CCDC171: variants seen among roughly 807,000 people sequenced by gnomAD.
CCDC171 encodes coiled-coil domain-containing protein 171.
In CCDC171, 177 loss-of-function variants were observed where a neutral mutation model predicts 168.2. The observed-to-expected ratio is 1.05, with a 90% CI of 0.93 to 1.19. CCDC171 has a LOEUF of 1.19. CCDC171 is among the 50% of genes most tolerant of loss of function. The probability of loss-of-function intolerance (pLI) is 0.00; values close to 1 mark genes in which losing one functional copy is unlikely to be tolerated. For synonymous variants in CCDC171, 687 were observed against 540.8 expected (o/e 1.27, Z -3.75); for missense variants, 1,991 against 1,539.0 (o/e 1.29, Z -4.91).
chr9:15,602,018 T>C (rs1001313021), intron 6 of CCDC171, among the ~76,000 whole-genome samples: 2 of 152,222 alleles, frequency 1.3e-5, no homozygotes, highest in African/African-American at 4.8e-5. Flanking sequence ...TCTTTCATTA[T>C]GAGGTGTACA....
At chr9:15,782,645 A>G (rs1326609299) in intron 20 of CCDC171, among the ~76,000 whole-genome samples, 1 of 152,204 alleles carries the variant, frequency 6.6e-6, no homozygotes, top group Non-Finnish European at 1.5e-5. Flanking sequence ...GTGGTAATTT[A>G]AAACAACACA....
chr9:15,683,987 A>C (rs1033479945), intron 10 of CCDC171, among the ~76,000 whole-genome samples: 7 of 152,232 alleles, frequency 4.6e-5, no homozygotes, highest in African/African-American at 1.7e-4. Flanking sequence ...TAGGTAAACA[A>C]GGTGGTAGGG....
chr9:15,598,578 C>G (rs564847632), intron 6 of CCDC171, among the ~76,000 whole-genome samples: 1 of 152,026 alleles, frequency 6.6e-6, no homozygotes, highest in East Asian at 1.9e-4. Context: ...ACTATGTGGT[C>G]AATTTTGGAA....
intron 25 of CCDC171, among the ~76,000 whole-genome samples, chr9:15,942,353 T>C (rs1368597101): frequency 6.6e-6 from 1 of 151,974 alleles, no homozygotes; most frequent in Non-Finnish European, 1.5e-5. Context: ...CTTCTGTCTC[T>C]ATGGGTCCGG....
chr9:15,843,051 A>G (rs1401161166), intron 21 of CCDC171, among the ~76,000 whole-genome samples: 5 of 151,994 alleles, frequency 3.3e-5, no homozygotes, highest in Non-Finnish European at 7.4e-5. Flanking sequence ...GCTTTCATTA[A>G]TAGTAAATAG....
At chr9:16,009,166 G>A in intron 3 of CCDC171, among the ~76,000 whole-genome samples, 1 of 152,112 alleles carries the variant, frequency 6.6e-6, no homozygotes, top group East Asian at 1.9e-4. Flanking sequence ...TGCAGAAAAT[G>A]GAATGGGTTT....
intron 23 of CCDC171, among the ~76,000 whole-genome samples, chr9:15,853,245 A>T (rs1188497573): frequency 4.0e-5 from 6 of 151,668 alleles, no homozygotes; most frequent in Non-Finnish European, 8.9e-5. Context: ...GATCTTCTTT[A>T]ATTTCTCTCA....
intron 1 of CCDC171, among the ~76,000 whole-genome samples, chr9:16,046,943 C>G (rs766670221): frequency 2.6e-5 from 4 of 152,188 alleles, no homozygotes; most frequent in Non-Finnish European, 5.9e-5. Flanking sequence ...GCATCTCACT[C>G]TCCTTCCCTC....
chr9:15,998,138 A>T (rs1832427995), intron 3 of CCDC171, among the ~76,000 whole-genome samples: 1 of 152,174 alleles, frequency 6.6e-6, no homozygotes, highest in African/African-American at 2.4e-5. Context: ...AGAGATCAGA[A>T]TGATGACAAA....
intron 3 of CCDC171, among the ~76,000 whole-genome samples, chr9:15,987,633 C>G (rs149977738): frequency 4.7e-5 from 7 of 148,826 alleles, no homozygotes; most frequent in African/African-American, 1.7e-4. Context: ...ACTATGATAA[C>G]AGCTGTTAAA....
At chr9:15,831,474 G>A (rs1184255593) in intron 21 of CCDC171, among the ~76,000 whole-genome samples, 1 of 152,112 alleles carries the variant, frequency 6.6e-6, no homozygotes, top group African/African-American at 2.4e-5. Flanking sequence ...CCTAGAACTG[G>A]AAGCTTACTG....
downstream of CCDC171, among the ~76,000 whole-genome samples, chr9:15,977,025 A>T (rs1348130253): frequency 6.6e-6 from 1 of 152,020 alleles, no homozygotes; most frequent in Non-Finnish European, 1.5e-5. Context: ...TCTGTAAGAA[A>T]CCCCTCCATT....
rs1045911158 is a variant in CCDC171, at chr9:15,766,129, A to G, written c.2672-11471A>G. Among the ~76,000 whole-genome samples the G allele has an allele frequency of 7.2e-5, 11 of 152,026 alleles. No homozygotes were observed. The East Asian group carries it at 1.2e-3, about 16-fold the overall frequency. On this transcript the variant is annotated intron_variant, in intron 18 of 25. Transcript: ENST00000380701. ...TCTGGATTCCTCAGCTATGACACAAACCCATTACATGCACAGCATTAGCCT... is the reference window on the plus strand; with the variant it reads ...TCTGGATTCCTCAGCTATGACACAAGCCCATTACATGCACAGCATTAGCCT...
At chr9:15,911,808 C>T (rs973605622) in intron 24 of CCDC171, among the ~76,000 whole-genome samples, 1 of 152,110 alleles carries the variant, frequency 6.6e-6, no homozygotes, top group Admixed American at 6.5e-5. Context: ...ATAGGGAATC[C>T]TTTCCCCATT....
At chr9:15,781,155 TA>T (rs1443451572) in intron 20 of CCDC171, among the ~76,000 whole-genome samples, 1 of 152,220 alleles carries the variant, frequency 6.6e-6, no homozygotes, top group African/African-American at 2.4e-5. Flanking sequence ...GAATTCTAAA[TA>T]TTCTACACAA....
At chr9:16,096,058 G>C in the CCDC171 span, among the ~76,000 whole-genome samples, 3 of 151,886 alleles carry the variant, frequency 2.0e-5, no homozygotes, top group East Asian at 5.8e-4. Context: ...AATGGTCCCA[G>C]CATATCTTCC....
intron 21 of CCDC171, among the ~76,000 whole-genome samples, chr9:15,790,268 C>A (rs951674544): frequency 1.3e-5 from 2 of 151,550 alleles, no homozygotes; most frequent in Non-Finnish European, 3.0e-5. Context: ...CCTGTTGTTT[C>A]CTTTTTAATG....
At chr9:15,898,190 C>T (rs937782702) in intron 24 of CCDC171, among the ~76,000 whole-genome samples, 1 of 152,164 alleles carries the variant, frequency 6.6e-6, no homozygotes, top group Non-Finnish European at 1.5e-5. Flanking sequence ...AGCTGGAAAA[C>T]CTTTGAGCAA....
intron 21 of CCDC171, among the ~76,000 whole-genome samples, chr9:15,831,692 A>G (rs1284056011): frequency 6.6e-6 from 1 of 152,172 alleles, no homozygotes; most frequent in Non-Finnish European, 1.5e-5. Context: ...GGTTTTCTTT[A>G]AAAAACAGAG....
Sources: allele counts gnomAD v4.1 joint callset (sites outside exome capture counted in the v4.1 genomes callset), GRCh38; gene constraint gnomAD v4.1.1; transcripts MANE v1.5; gene names NCBI Gene and HGNC (gene_info 2026-07-23, HGNC 2026-07-21).